The following TRIM4 variants were observed in gnomAD, a reference collection of about 807,000 sequenced individuals.
TRIM4 encodes E3 ubiquitin-protein ligase TRIM4.
In TRIM4, 29 loss-of-function variants were observed where a neutral mutation model predicts 33.7. The ratio of observed to expected loss-of-function variants is 0.86; its 90% CI spans 0.64 to 1.17. The LOEUF (loss-of-function observed/expected upper bound fraction) is 1.17, where lower values mean the gene tolerates loss of function less well. TRIM4 is among the 50% of genes most tolerant of loss of function. The probability of loss-of-function intolerance (pLI) is 0.00; values close to 1 mark genes in which losing one functional copy is unlikely to be tolerated. For synonymous variants in TRIM4, 224 were observed against 233.0 expected, an observed-to-expected ratio of 0.96 and a Z score of 0.35; for missense variants, 554 against 593.7, an observed-to-expected ratio of 0.93 and a Z score of 0.69.
At chr7:99,905,483 A>G (rs1478418806) in intron 3 of TRIM4, among the ~76,000 whole-genome samples, 1 of 152,248 alleles carries the variant, frequency 6.6e-6, no homozygotes, top group Non-Finnish European at 1.5e-5. Flanking sequence ...AGAAAAATGA[A>G]TAATATGCTT....
chr7:99,917,786 G>A, intron 1 of TRIM4: 2 of 981,930 alleles, frequency 2.0e-6, no homozygotes, highest in Non-Finnish European at 1.2e-6. Context: ...TATCAATTCT[G>A]CTGGAGACCA....
chr7:99,919,364 G>A lies in TRIM4; in HGVS notation c.38C>T (p.Pro13Leu), dbSNP rs992254309. Residue 13 changes from proline to leucine, a missense_variant, in exon 1 of 6, where the codon CCC becomes CTC. Coordinates refer to ENST00000349062, the MANE Select transcript of TRIM4 (RefSeq NM_033091.3). Reference protein sequence around the residue: ...AEDIQEELTCPICLDYFQDPV... With the variant: ...AEDIQEELTCLICLDYFQDPV... The stretch of plus-strand genomic sequence containing the variant: ...GTCCTGGAAATAGTCCAGGCAGATG[G>A]GGCAGGTCAACTCCTCCTGGATGTC... 1.9e-6 allele frequency: 3 copies of A among 1,577,142 alleles called. No individual in the cohort carries two copies. Among genetic ancestry groups the A allele is most frequent in the Admixed American group, 1.8e-5 (1 of 56,018 alleles).
At chr7:99,917,509 C>G (rs963742021) in intron 1 of TRIM4, among the ~76,000 whole-genome samples, 5 of 152,176 alleles carry the variant, frequency 3.3e-5, no homozygotes, top group African/African-American at 1.2e-4. Flanking sequence ...CACCTGAGGT[C>G]AGGAGTTCGA....
At chr7:99,909,133 G>GGTGTGTGTGT (rs140032652) in intron 2 of TRIM4, among the ~76,000 whole-genome samples, 3,269 of 148,430 alleles carry the variant, frequency 0.022, 44 homozygotes, top group South Asian at 0.048. Context: ...GGAGTGTGAG[G>GGTGTGTGTGT]GTGTGTGTGT....
intron 3 of TRIM4, among the ~76,000 whole-genome samples, chr7:99,905,814 C>A (rs1012373075): frequency 1.2e-4 from 19 of 152,206 alleles, no homozygotes; most frequent in African/African-American, 3.9e-4. Context: ...GAAGCCAGTA[C>A]GAAAGAGTGC....
chr7:99,894,341 C>G (rs938928021), intron 5 of TRIM4, among the ~76,000 whole-genome samples: 3 of 152,098 alleles, frequency 2.0e-5, no homozygotes, highest in Non-Finnish European at 4.4e-5. Flanking sequence ...GCATTTATTT[C>G]TTAAATGTTT....
chr7:99,913,585 C>T (rs1819491274), intron 1 of TRIM4, among the ~76,000 whole-genome samples: 2 of 152,046 alleles, frequency 1.3e-5, no homozygotes, highest in Admixed American at 6.6e-5. Context: ...GCAGGAAAAT[C>T]GCTTGAACCC....
intron 5 of TRIM4, among the ~76,000 whole-genome samples, chr7:99,898,402 A>G (rs1374001967): frequency 6.6e-6 from 1 of 152,226 alleles, no homozygotes; most frequent in African/African-American, 2.4e-5. Context: ...CAAATAGCCA[A>G]TAATATGTGG....
chr7:99,901,935 TC>T (rs1819181359), intron 5 of TRIM4: 3 of 601,328 alleles, frequency 5.0e-6, no homozygotes, highest in Non-Finnish European at 8.9e-6. Context: ...ACTACTTTGT[TC>T]TCCGTGAACT....
chr7:99,905,366 G>C (rs1819275837), intron 3 of TRIM4, among the ~76,000 whole-genome samples: 1 of 152,118 alleles, frequency 6.6e-6, no homozygotes, highest in South Asian at 2.1e-4. Flanking sequence ...TGTTCTCACA[G>C]GTATACAACT....
intron 5 of TRIM4, among the ~76,000 whole-genome samples, chr7:99,894,180 G>T (rs1274252727): frequency 2.0e-5 from 3 of 151,970 alleles, no homozygotes; most frequent in African/African-American, 7.3e-5. Flanking sequence ...GAGAATTTAG[G>T]TATCTATGTT....
chr7:99,912,446 G>T (rs894269996), intron 1 of TRIM4, among the ~76,000 whole-genome samples: 1 of 151,346 alleles, frequency 6.6e-6, no homozygotes, highest in East Asian at 1.9e-4. Flanking sequence ...CATGAGAATC[G>T]CTTGAACCCA....
At chr7:99,898,874 A>G (rs1819086400) in intron 5 of TRIM4, among the ~76,000 whole-genome samples, 1 of 152,214 alleles carries the variant, frequency 6.6e-6, no homozygotes, top group African/African-American at 2.4e-5. Context: ...TTCAGTAAAA[A>G]TTCTCTATCT....
chr7:99,896,891 G>A (rs1373415782), intron 5 of TRIM4, among the ~76,000 whole-genome samples: 2 of 152,214 alleles, frequency 1.3e-5, no homozygotes, highest in Non-Finnish European at 2.9e-5. Flanking sequence ...GCAGTTGGCC[G>A]GCCAGTCCTG....
chr7:99,907,503 C>T (rs1819335318), intron 3 of TRIM4, among the ~76,000 whole-genome samples: 1 of 152,158 alleles, frequency 6.6e-6, no homozygotes, highest in Non-Finnish European at 1.5e-5. Flanking sequence ...CATGTATCTT[C>T]GAGGTTTCAG....
rs527362351 is a variant in TRIM4, at chr7:99,892,492, C to T, written c.1096G>A (p.Val366Ile). Residue 366 changes from valine to isoleucine, a missense_variant, in exon 6 of 6, where the codon GTT (valine) becomes ATT (isoleucine). Around this residue, in one of 3 missense-constraint regions of TRIM4, gnomAD observed 290 missense variants for 335.8 expected, o/e 0.86. Coordinates refer to ENST00000349062, the MANE Select transcript of TRIM4 (RefSeq NM_033091.3). Reference sequence around the variant, plus strand: ...TCCTCCCGACACACCCCAACAGCAACCTCCAGACTATCTCTACTCTCAACT... The same window carrying T: ...TCCTCCCGACACACCCCAACAGCAATCTCCAGACTATCTCTACTCTCAACT... ...WEVESRDSLEVAVGVCREDVM... is the reference protein window; with the variant it reads ...WEVESRDSLEIAVGVCREDVM... The T allele has an allele frequency of 6.2e-7, 1 of 1,614,190 alleles. No homozygotes were observed. Among genetic ancestry groups the T allele is most frequent in the African/African-American group, 1.3e-5 (1 of 75,038 alleles).
chr7:99,919,429 C>T lies in TRIM4; in HGVS notation c.-28G>A. ...TGCTTCCCTGCCGCGGAGACGGAGT[C>T]CGACGTGAGGCGCGGGAGAGGCCAG... On this transcript the variant is annotated 5_prime_UTR_variant, in exon 1 of 6. Coordinates refer to ENST00000349062, the MANE Select transcript of TRIM4 (RefSeq NM_033091.3). The T allele has an allele frequency of 6.6e-7, 1 of 1,503,824 alleles. No homozygotes were observed. The highest frequency in any genetic ancestry group is 2.7e-5 in the East Asian group (1 of 36,760). The allele number at this position is 1,503,824 out of a possible 1,614,324, so 93.2% of individuals were successfully genotyped here.
intron 5 of TRIM4, among the ~76,000 whole-genome samples, chr7:99,896,151 A>G (rs1819011748): frequency 6.6e-6 from 1 of 151,940 alleles, no homozygotes; most frequent in Admixed American, 6.6e-5. Context: ...TTTATTGACT[A>G]GCTACATCTC....
At chr7:99,916,807 TCCCTGCCTTAAAA>T in intron 1 of TRIM4, 1 of 780,240 alleles carries the variant, frequency 1.3e-6, no homozygotes, top group South Asian at 1.3e-5. Context: ...ATCATATCAT[TCCCTGCCTTAAAA>T]CCCTTTTATA....
Sources: gnomAD v4.1 joint callset for allele counts (sites outside exome capture counted in the v4.1 genomes callset) on GRCh38, gnomAD v4.1.1 for gene constraint, gnomAD v4.1.1 regional missense constraint, MANE v1.5 for transcripts, NCBI Gene and HGNC (gene_info 2026-07-23, HGNC 2026-07-21) for gene names.